Variants in KDM5B observed in about 807,000 individuals in gnomAD.
The protein encoded by KDM5B is lysine-specific demethylase 5B.
KDM5B carries 144 observed loss-of-function variants against 193.4 expected under a neutral mutation model. The observed-to-expected ratio is 0.74, with a 90% CI of 0.65 to 0.86. The LOEUF is 0.86. Among genes scored for constraint, KDM5B ranks in the 40% least tolerant of loss-of-function variants. The probability of loss-of-function intolerance (pLI) is 0.00; values close to 1 mark genes in which losing one functional copy is unlikely to be tolerated. For synonymous variants in KDM5B, 668 were observed against 682.6 expected, an observed-to-expected ratio of 0.98 and a Z score of 0.33; for missense variants, 1,833 against 1,886.9, an observed-to-expected ratio of 0.97 and a Z score of 0.53.
intron 1 of KDM5B, among the ~76,000 whole-genome samples, chr1:202,780,943 A>T (rs1657173164): frequency 6.6e-6 from 1 of 152,022 alleles, no homozygotes; most frequent in Non-Finnish European, 1.5e-5. Context: ...ATATCACAAT[A>T]ATAAGGAGAA....
intron 1 of KDM5B, among the ~76,000 whole-genome samples, chr1:202,785,825 C>A (rs994876826): frequency 1.3e-5 from 2 of 151,392 alleles, no homozygotes; most frequent in Admixed American, 1.3e-4. Context: ...ACGAGAATTG[C>A]TTGAACCCAG....
chr1:202,770,121 T>C (rs1293881233), intron 4 of KDM5B, among the ~76,000 whole-genome samples: 2 of 152,148 alleles, frequency 1.3e-5, no homozygotes, highest in Non-Finnish European at 2.9e-5. Context: ...TATGAAGAGC[T>C]TTATTATTTT....
At chr1:202,748,705 C>T (rs1240571977) in intron 14 of KDM5B, among the ~76,000 whole-genome samples, 1 of 151,846 alleles carries the variant, frequency 6.6e-6, no homozygotes, top group Non-Finnish European at 1.5e-5. Flanking sequence ...CCTGTTTCTA[C>T]AAAACATTTT....
In KDM5B at chr1:202,729,010, G is replaced by GT. The variant is rs1654770952; in HGVS notation, c.*25dup. On this transcript the variant is annotated 3_prime_UTR_variant, in exon 27 of 27. Coordinates refer to ENST00000367265, the MANE Select transcript of KDM5B (RefSeq NM_006618.5). Reference sequence around the variant, plus strand: ...TGGTTGGAGTCCTGAATTACATTAAGTAGGGGGGTATCTGTTTTTGTGTTT... The same window carrying GT: ...TGGTTGGAGTCCTGAATTACATTAAGTTAGGGGGGTATCTGTTTTTGTGTTT... 1 of 1,613,774 alleles carries GT rather than the reference G, an allele frequency of 6.2e-7. No homozygotes were observed. The highest frequency in any genetic ancestry group is 8.5e-7 in the Non-Finnish European group (1 of 1,179,758).
intron 1 of KDM5B, chr1:202,806,380 C>T (rs1205514040): frequency 2.0e-5 from 3 of 152,178 alleles, no homozygotes; most frequent in Non-Finnish European, 4.4e-5. Context: ...CATGAAGCTA[C>T]ATTACTACAG....
chr1:202,749,013 T>G lies in KDM5B; in HGVS notation c.1948A>C (p.Thr650Pro). The G allele has an allele frequency of 6.2e-7, 1 of 1,614,176 alleles. No homozygotes were observed. The highest frequency in any genetic ancestry group is 8.5e-7 in the Non-Finnish European group (1 of 1,180,036). Reference protein sequence around the residue: ...ADVLDVVVASTVQKDMAIMIE... With the variant: ...ADVLDVVVASPVQKDMAIMIE... ...ATAATGGCCATGTCTTTCTGAACAG[T>G]TGAAGCCACTACAACATCTAATACA... The change falls in exon 14 of 27, where the codon ACT becomes CCT. Residue 650 changes from threonine (T) to proline (P), a missense_variant. Thr to Pro is a conservative substitution (Grantham distance 38). This residue lies in a region of KDM5B where 1,379 missense variants were observed against 1,349.6 expected (regional missense o/e 1.02). Coordinates refer to ENST00000367265, the MANE Select transcript of KDM5B (RefSeq NM_006618.5).
chr1:202,791,959 G>C (rs944785029), intron 1 of KDM5B, among the ~76,000 whole-genome samples: 3 of 151,990 alleles, frequency 2.0e-5, no homozygotes, highest in African/African-American at 7.2e-5. Flanking sequence ...CCTCGTCTCA[G>C]CCTCCCAAAG....
chr1:202,760,485 G>A lies in KDM5B; in HGVS notation c.1007C>T (p.Thr336Ile). Residue 336 changes from threonine to isoleucine, a missense_variant, in exon 8 of 27, where the codon ACC becomes ATC. Physicochemically the swap from Thr to Ile is moderately conservative, Grantham distance 89 (BLOSUM62 -1). This residue lies in a region of KDM5B where 99 missense variants were observed against 162.4 expected (regional missense o/e 0.61). Transcript: ENST00000367265. ...ATGGAGAGGTGGGATCAAGCAAAAG[G>A]TATGGTAACTGTCATCACAGCCATC... ...LCDGCDDSYH[T>I]FCLIPPLHDV... is the part of the protein sequence containing the mutation. 1 of 1,613,472 alleles carries A rather than the reference G, an allele frequency of 6.2e-7. No individual in the cohort carries two copies. The highest frequency in any genetic ancestry group is 8.5e-7 in the Non-Finnish European group (1 of 1,179,642).
chr1:202,733,510 TG>T lies in KDM5B; in HGVS notation c.3799del (p.Gln1267SerfsTer80), dbSNP rs1558479778. 1 of 1,614,210 alleles carries T rather than the reference TG, an allele frequency of 6.2e-7. No individual in the cohort carries two copies. The highest frequency in any genetic ancestry group is 8.5e-7 in the Non-Finnish European group (1 of 1,180,028). Reference protein sequence around the residue: ...ERTVNWQHRAQQLLSSGNLKF... With the variant: ...ERTVNWQHRAXQLLSSGNLKF... Reference sequence around the variant, plus strand: ...AAGATTCCCTGACGAAAGCAGTTGCTGGGCTCTGTGCTGCCAGTTCACGGTT... The same window carrying T: ...AAGATTCCCTGACGAAAGCAGTTGCTGGCTCTGTGCTGCCAGTTCACGGTT... On this transcript the variant is annotated frameshift_variant, in exon 23 of 27. Coordinates refer to ENST00000367265, the MANE Select transcript of KDM5B (RefSeq NM_006618.5). LOFTEE classifies it high-confidence loss of function.
chr1:202,756,662 C>A, intron 9 of KDM5B, 146 bp from the exon 10 acceptor site: 2 of 521,492 alleles, frequency 3.8e-6, no homozygotes, highest in Non-Finnish European at 6.2e-6. Context: ...ATTCAGGAAA[C>A]CTCTACTGTC....
chr1:202,745,499 T>C (rs565987480), intron 16 of KDM5B, among the ~76,000 whole-genome samples: 2 of 152,296 alleles, frequency 1.3e-5, no homozygotes, highest in South Asian at 4.1e-4. Context: ...CATGCTGCCT[T>C]TGTCACAAGA....
chr1:202,798,256 T>C (rs956664341), intron 1 of KDM5B, among the ~76,000 whole-genome samples: 1 of 151,924 alleles, frequency 6.6e-6, no homozygotes, highest in East Asian at 1.9e-4. Context: ...TGAAGGATTA[T>C]AGTCTATATA....
Position 202,736,617 on chromosome 1 carries a change from T to TTGTTGG in KDM5B, c.3085-231_3085-226dup, listed in dbSNP as rs552224681. On this transcript the variant is annotated intron_variant, in intron 20 of 26. Coordinates refer to ENST00000367265, the MANE Select transcript of KDM5B (RefSeq NM_006618.5). ...AAACAGAGAACCTAGTTTGGGTCTT[T>TTGTTGG]TGTTGGTGGTGGTGGTGGTAGTGTT... 5.3e-5 allele frequency among the ~76,000 whole-genome samples: 8 copies of TTGTTGG among 152,150 alleles called. No individual in the cohort carries two copies. In the South Asian group the frequency reaches 1.7e-3, roughly 32 times the overall value.
chr1:202,795,498 A>G (rs1292789961), intron 1 of KDM5B, among the ~76,000 whole-genome samples: 1 of 152,058 alleles, frequency 6.6e-6, no homozygotes, highest in Non-Finnish European at 1.5e-5. Flanking sequence ...TTAAAAATAC[A>G]AAAATTAGTT....
intron 1 of KDM5B, among the ~76,000 whole-genome samples, chr1:202,799,230 T>C (rs570460903): frequency 9.2e-5 from 14 of 152,292 alleles, no homozygotes; most frequent in Admixed American, 7.2e-4. Flanking sequence ...ATGACAAGCA[T>C]ACGTTGCAGA....
chr1:202,779,600 G>A (rs1431258775), intron 1 of KDM5B, among the ~76,000 whole-genome samples: 1 of 152,036 alleles, frequency 6.6e-6, no homozygotes, highest in Non-Finnish European at 1.5e-5. Flanking sequence ...GAGGTCAGGA[G>A]ACCAGCCTGG....
At chr1:202,804,075 A>C (rs538833450) in intron 1 of KDM5B, among the ~76,000 whole-genome samples, 47 of 152,154 alleles carry the variant, frequency 3.1e-4, no homozygotes, top group Non-Finnish European at 4.9e-4. Context: ...TAGAACTTAA[A>C]GTATAATTTA....
At chr1:202,730,550 T>C (rs3935652) in intron 25 of KDM5B, among the ~76,000 whole-genome samples, 28,147 of 152,074 alleles carry the variant, frequency 0.19, 2,974 homozygotes, top group Middle Eastern at 0.28. Flanking sequence ...AAATTTGCCA[T>C]GAAAAATGAA....
chr1:202,779,043 C>A (rs1429433546), intron 1 of KDM5B, among the ~76,000 whole-genome samples: 1 of 152,080 alleles, frequency 6.6e-6, no homozygotes, highest in African/African-American at 2.4e-5. Context: ...AAAAGGCTCA[C>A]AATAGTGGTT....
Sources: gnomAD v4.1 joint callset for allele counts (sites outside exome capture counted in the v4.1 genomes callset) on GRCh38, gnomAD v4.1.1 for gene constraint, gnomAD v4.1.1 regional missense constraint, MANE v1.5 for transcripts, NCBI Gene and HGNC (gene_info 2026-07-23, HGNC 2026-07-21) for gene names.